The following COL25A1 variants were observed in gnomAD, a reference collection of about 807,000 sequenced individuals.
The protein encoded by COL25A1 is collagen alpha-1(XXV) chain.
In COL25A1, 103 loss-of-function variants were observed where a neutral mutation model predicts 128.4. The ratio of observed to expected loss-of-function variants is 0.80; its 90% confidence interval spans 0.68 to 0.94. The LOEUF (loss-of-function observed/expected upper bound fraction) is 0.94. Ranked by LOEUF, COL25A1 falls within the 40% of genes least tolerant of loss-of-function variation. The pLI is 0.00. For synonymous variants in COL25A1, 279 were observed against 277.2 expected, an observed-to-expected ratio of 1.01 and a Z score of -0.06; for missense variants, 745 against 840.0, an observed-to-expected ratio of 0.89 and a Z score of 1.40.
chr4:109,107,882 G>C (rs1281443879), intron 3 of COL25A1, among the ~76,000 whole-genome samples: 1 of 152,232 alleles, frequency 6.6e-6, no homozygotes, highest in Non-Finnish European at 1.5e-5. Flanking sequence ...CCACTGAACA[G>C]AGGATGGGGT....
chr4:109,102,512 T>C (rs1765991905), intron 3 of COL25A1, among the ~76,000 whole-genome samples: 2 of 152,126 alleles, frequency 1.3e-5, no homozygotes, highest in Admixed American at 6.5e-5. Flanking sequence ...TTAAATCAAG[T>C]TGGTTGATAA....
chr4:109,058,046 G>T (rs1761611680), intron 3 of COL25A1, among the ~76,000 whole-genome samples: 1 of 152,100 alleles, frequency 6.6e-6, no homozygotes, highest in African/African-American at 2.4e-5. Flanking sequence ...AGAAAATGAG[G>T]GGTTATCTTT....
rs1730858236 is a variant in COL25A1 at position 108,812,307 on chromosome 4, A to AAATCT, written c.*1615_*1619dup. 1 of 152,236 alleles carries AAATCT rather than the reference A, an allele frequency of 6.6e-6. No homozygotes were observed. Among genetic ancestry groups the AAATCT allele is most frequent in the South Asian group, 2.1e-4 (1 of 4,832 alleles). 9.4% of individuals were successfully genotyped at this position (152,236 alleles called of 1,614,324 possible). On this transcript the variant is annotated 3_prime_UTR_variant, in exon 38 of 38. Transcript: ENST00000399132. ...ATTTAGAAATGTTAAAAAGAGAAAG[A>AAATCT]AATCTAAATATAGACAAAACTTAAA...
intron 3 of COL25A1, among the ~76,000 whole-genome samples, chr4:109,281,407 G>T (rs1467051320): frequency 7.4e-6 from 1 of 135,368 alleles, no homozygotes; most frequent in Non-Finnish European, 1.5e-5. Context: ...TCCTTAAAAT[G>T]GCAAAAAAAA....
intron 3 of COL25A1, among the ~76,000 whole-genome samples, chr4:109,248,656 C>G (rs1258757005): frequency 6.6e-6 from 1 of 152,272 alleles, no homozygotes; most frequent in Non-Finnish European, 1.5e-5. Flanking sequence ...TTCGCAGCTG[C>G]CAGACTACTC....
chr4:109,048,526 A>G (rs150364936), intron 4 of COL25A1, among the ~76,000 whole-genome samples: 2 of 152,320 alleles, frequency 1.3e-5, no homozygotes, highest in African/African-American at 4.8e-5. Flanking sequence ...ATGATAGACC[A>G]GTTATAGAGA....
At chr4:109,253,598 T>C (rs968676176) in intron 3 of COL25A1, among the ~76,000 whole-genome samples, 14 of 152,150 alleles carry the variant, frequency 9.2e-5, no homozygotes, top group Admixed American at 2.0e-4. Flanking sequence ...TTGGGTACCA[T>C]ATAGCCCAGC....
chr4:108,863,335 C>T lies in COL25A1; in HGVS notation c.1136G>A (p.Gly379Glu). The part of the protein sequence containing the change: ...PPGRGERGEP[G>E]APGPKGKQGE... ...ATAACTCACCTTTGGTCCGGGGGCT[C>T]CAGGTTCCCCTCGCTCACCTCTTCC... Residue 379 changes from glycine (G) to glutamate (E), a missense_variant, in exon 21 of 38, where the codon GGA becomes GAA. By Grantham distance (98) the Gly-to-Glu change is moderately conservative. This residue lies in a region of COL25A1 where 387 missense variants were observed against 441.9 expected (regional missense o/e 0.88). Coordinates refer to ENST00000399132, the MANE Select transcript of COL25A1 (RefSeq NM_198721.4). The T allele has an allele frequency of 6.2e-7, 1 of 1,613,800 alleles. No homozygotes were observed. The highest frequency in any genetic ancestry group is 8.5e-7 in the Non-Finnish European group (1 of 1,179,914).
intron 3 of COL25A1, among the ~76,000 whole-genome samples, chr4:109,091,929 A>G (rs1210485108): frequency 6.6e-6 from 1 of 152,178 alleles, no homozygotes; most frequent in Non-Finnish European, 1.5e-5. Context: ...GCCTCAGATT[A>G]GCAGCAAGAC....
At chr4:108,948,360 T>C (rs774698989) in intron 8 of COL25A1, among the ~76,000 whole-genome samples, 5 of 152,150 alleles carry the variant, frequency 3.3e-5, no homozygotes, top group Non-Finnish European at 5.9e-5. Context: ...AAATCAGAAG[T>C]TATAACTGAT....
At chr4:109,129,140 T>C (rs1304052867) in intron 3 of COL25A1, among the ~76,000 whole-genome samples, 2 of 152,148 alleles carry the variant, frequency 1.3e-5, no homozygotes, top group Admixed American at 6.5e-5. Flanking sequence ...ATAATTTTTT[T>C]TTTTTTGAGA....
chr4:109,058,498 G>T (rs1761652806), intron 3 of COL25A1, among the ~76,000 whole-genome samples: 2 of 151,894 alleles, frequency 1.3e-5, no homozygotes, highest in South Asian at 4.2e-4. Flanking sequence ...ACTGAGAGTG[G>T]TAGACACCTC....
chr4:109,083,023 T>C lies in COL25A1; in HGVS notation c.368-32844A>G, dbSNP rs1249296444. Among the ~76,000 whole-genome samples, 4 of 152,176 alleles carry C rather than the reference T, an allele frequency of 2.6e-5. No individual in the cohort carries two copies. In the South Asian group the frequency reaches 8.3e-4, roughly 32 times the overall value. ...TGAAAACTGTAGCATATAAAGTAAG[T>C]TTGATACAGCCATTTCTAAAATAAA... On this transcript the variant is annotated intron_variant, in intron 3 of 37. Coordinates refer to ENST00000399132, the MANE Select transcript of COL25A1 (RefSeq NM_198721.4).
In COL25A1 at chr4:109,302,373, C is replaced by G. The variant is rs1725644531; in HGVS notation, c.-261G>C. ...GGCCCCAACAGTGGCCGCTCAGGGT[C>G]CGAGGGCAACGGCCGAGGCGCCACG... On this transcript the variant is annotated 5_prime_UTR_variant, in exon 1 of 38. Coordinates refer to ENST00000399132, the MANE Select transcript of COL25A1 (RefSeq NM_198721.4). 2 of 234,732 alleles carry G rather than the reference C, an allele frequency of 8.5e-6. No individual in the cohort carries two copies. The highest frequency in any genetic ancestry group is 4.5e-5 in the African/African-American group (2 of 44,538). 14.5% of individuals were successfully genotyped at this position (234,732 alleles called of 1,614,324 possible). A position where few individuals can be genotyped will look rare whatever the true frequency, so the allele number is the denominator to read the frequency against.
At position 108,971,454 on chromosome 4, in the gene COL25A1, G is replaced by A. The variant is rs147259822; in HGVS notation, c.492+2913C>T. On this transcript the variant is annotated intron_variant, in intron 8 of 37. Coordinates refer to ENST00000399132, the MANE Select transcript of COL25A1 (RefSeq NM_198721.4). Reference sequence around the variant, plus strand: ...CTCTGGTTCAGATTGAGTAGTTAGAGAAGTTCTCTCAGAGGAGGTGATATT... The same window carrying A: ...CTCTGGTTCAGATTGAGTAGTTAGAAAAGTTCTCTCAGAGGAGGTGATATT... Among the ~76,000 whole-genome samples, 1,057 of 152,276 alleles carry A rather than the reference G, an allele frequency of 6.9e-3. 11 individuals are homozygous for A. Among genetic ancestry groups the A allele is most frequent in the African/African-American group, 0.024 (986 of 41,564 alleles).
intron 8 of COL25A1, among the ~76,000 whole-genome samples, chr4:108,954,438 C>T (rs991203223): frequency 3.3e-5 from 5 of 151,836 alleles, no homozygotes; most frequent in African/African-American, 4.8e-5. Context: ...ATAATTTACT[C>T]GAAATAACTA....
At chr4:108,934,097 A>G (rs993612299) in intron 11 of COL25A1, among the ~76,000 whole-genome samples, 6 of 152,178 alleles carry the variant, frequency 3.9e-5, no homozygotes, top group Non-Finnish European at 8.8e-5. Context: ...ATATCCATCA[A>G]TGATAGACTG....
Position 108,901,148 on chromosome 4 carries a change from C to T in COL25A1, c.805G>A (p.Val269Ile). 1 of 1,612,550 alleles carries T rather than the reference C, an allele frequency of 6.2e-7. No individual in the cohort carries two copies. Among genetic ancestry groups the T allele is most frequent in the Non-Finnish European group, 8.5e-7 (1 of 1,178,918 alleles). ...QKGEPGLPGA[V>I]GQNGIPGPKG... ...GGTCCTGGTATTCCATTCTGTCCTACTGCTCCAGGCAACCCGGGCTCACCC... is the reference window on the plus strand; with the variant it reads ...GGTCCTGGTATTCCATTCTGTCCTATTGCTCCAGGCAACCCGGGCTCACCC... Residue 269 changes from valine (V) to isoleucine (I), a missense_variant, in exon 14 of 38, where the codon GTA (valine) becomes ATA (isoleucine). Physicochemically the swap from Val to Ile is conservative, Grantham distance 29. This residue lies in a region of COL25A1 where 39 missense variants were observed against 73.3 expected (regional missense o/e 0.53). Coordinates refer to ENST00000399132, the MANE Select transcript of COL25A1 (RefSeq NM_198721.4).
At chr4:108,889,955 A>G (rs1489725822) in intron 16 of COL25A1, among the ~76,000 whole-genome samples, 2 of 152,238 alleles carry the variant, frequency 1.3e-5, no homozygotes, top group Non-Finnish European at 2.9e-5. Context: ...AACAATTTCC[A>G]AGATAAACAA....
Sources: gnomAD v4.1 joint callset for allele counts (sites outside exome capture counted in the v4.1 genomes callset) on GRCh38, gnomAD v4.1.1 for gene constraint, gnomAD v4.1.1 regional missense constraint, MANE v1.5 for transcripts, NCBI Gene and HGNC (gene_info 2026-07-23, HGNC 2026-07-21) for gene names.